The following ABCB5 variants were observed in gnomAD, a reference collection of about 807,000 sequenced individuals.
The protein encoded by ABCB5 is ATP-binding cassette sub-family B member 5.
ABCB5 carries 155 observed loss-of-function variants against 144.2 expected under a neutral mutation model. The observed-to-expected ratio is 1.08, with a 90% CI of 0.94 to 1.23. The LOEUF (loss-of-function observed/expected upper bound fraction) is 1.23, where lower values mean the gene tolerates loss of function less well. Among genes scored for constraint, ABCB5 ranks in the 50% most tolerant of loss-of-function variants. The probability of loss-of-function intolerance (pLI) is 0.00; values close to 1 mark genes in which losing one functional copy is unlikely to be tolerated. For missense variants in ABCB5, 1,830 were observed against 1,520.8 expected, an observed-to-expected ratio of 1.20 and a Z score of -3.38; for synonymous variants, 610 against 528.6, an observed-to-expected ratio of 1.15 and a Z score of -2.11.
intron 26 of ABCB5, among the ~76,000 whole-genome samples, chr7:20,749,399 T>C: frequency 7.3e-6 from 1 of 137,464 alleles, no homozygotes; most frequent in East Asian, 2.1e-4. Context: ...TGCCTAATTT[T>C]TTTTTTTTTT....
chr7:20,749,823 T>G (rs1782861247), intron 26 of ABCB5, among the ~76,000 whole-genome samples: 1 of 152,062 alleles, frequency 6.6e-6, no homozygotes, highest in Admixed American at 6.5e-5. Context: ...CAAGTAGAAT[T>G]TCAGTAGTCA....
At chr7:20,627,406 G>A (rs1017488082) in intron 3 of ABCB5, among the ~76,000 whole-genome samples, 2 of 152,138 alleles carry the variant, frequency 1.3e-5, no homozygotes, top group South Asian at 2.1e-4. Context: ...TTGCAACGAT[G>A]AATGGAAAAA....
chr7:20,675,049 ATTG>A (rs1343434745), intron 14 of ABCB5, among the ~76,000 whole-genome samples: 1 of 152,030 alleles, frequency 6.6e-6, no homozygotes, highest in Non-Finnish European at 1.5e-5. Flanking sequence ...AAGACTTGAT[ATTG>A]TTAAATGTCA....
chr7:20,715,116 C>A (rs1781627892), intron 20 of ABCB5, among the ~76,000 whole-genome samples: 1 of 152,168 alleles, frequency 6.6e-6, no homozygotes, highest in African/African-American at 2.4e-5. Context: ...ATGATCTCAA[C>A]TCACTGCAAC....
In ABCB5 at chr7:20,647,526, T is replaced by C. The variant is rs749649748; in HGVS notation, c.982-9T>C. 2.6e-6 allele frequency: 4 copies of C among 1,544,566 alleles called. No individual in the cohort carries two copies. The South Asian group carries it at 5.0e-5, about 19-fold the overall frequency. Reference sequence around the variant, plus strand: ...AGAAAGATAAATATCACTTTGTTTGTTCCTGTAGGTTTTCTTTAGTGTAAT... The same window carrying C: ...AGAAAGATAAATATCACTTTGTTTGCTCCTGTAGGTTTTCTTTAGTGTAAT... On this transcript the variant is annotated splice_polypyrimidine_tract_variant and intron_variant, in intron 9 of 27. Transcript: ENST00000404938.
chr7:20,738,454 T>G (rs1353068636), intron 23 of ABCB5, among the ~76,000 whole-genome samples: 2 of 152,224 alleles, frequency 1.3e-5, no homozygotes, highest in Non-Finnish European at 2.9e-5. Context: ...GATTTTGCTT[T>G]GGGAACCTGA....
At chr7:20,666,838 T>G (rs1161786816) in intron 14 of ABCB5, 12 of 1,526,066 alleles carry the variant, frequency 7.9e-6, no homozygotes, top group Non-Finnish European at 8.8e-6. Flanking sequence ...GTGGTATGAA[T>G]TGCACTATCT....
intron 14 of ABCB5, among the ~76,000 whole-genome samples, chr7:20,675,561 A>C (rs960676219): frequency 2.6e-5 from 4 of 152,124 alleles, no homozygotes; most frequent in African/African-American, 9.6e-5. Context: ...AACTCTTAGA[A>C]GTAAACGTAG....
chr7:20,754,559 C>G (rs1490662641), intron 27 of ABCB5, among the ~76,000 whole-genome samples: 1 of 152,196 alleles, frequency 6.6e-6, no homozygotes, highest in Non-Finnish European at 1.5e-5. Flanking sequence ...CTTCCACTCC[C>G]ACTTTCTCTA....
intron 20 of ABCB5, among the ~76,000 whole-genome samples, chr7:20,716,891 C>T (rs1044003026): frequency 6.6e-6 from 1 of 152,052 alleles, no homozygotes; most frequent in Non-Finnish European, 1.5e-5. Flanking sequence ...CGTGCCGAAC[C>T]CCAGCGCAGC....
chr7:20,671,394 C>T (rs527545253), intron 14 of ABCB5, among the ~76,000 whole-genome samples: 116 of 152,188 alleles, frequency 7.6e-4, no homozygotes, highest in African/African-American at 2.7e-3. Context: ...AAAATTTTGG[C>T]GTATATGTAC....
chr7:20,695,464 TA>T (rs1184023905), intron 16 of ABCB5, among the ~76,000 whole-genome samples: 2 of 151,852 alleles, frequency 1.3e-5, no homozygotes, highest in African/African-American at 4.8e-5. Context: ...ATAAAACTTC[TA>T]TAAGAAAATG....
intron 1 of ABCB5, among the ~76,000 whole-genome samples, chr7:20,616,339 T>C (rs1046039796): frequency 1.3e-5 from 2 of 152,302 alleles, no homozygotes; most frequent in South Asian, 2.1e-4. Flanking sequence ...CCCAGCCATA[T>C]CTTCTTTCAT....
chr7:20,657,914 C>T (rs1033827176), intron 13 of ABCB5, among the ~76,000 whole-genome samples: 3 of 152,128 alleles, frequency 2.0e-5, no homozygotes, highest in African/African-American at 7.2e-5. Flanking sequence ...AGCCATGTTT[C>T]CTGGGCGCTA....
At chr7:20,665,774 TAC>T (rs1491352255) in intron 14 of ABCB5, among the ~76,000 whole-genome samples, 4 of 135,464 alleles carry the variant, frequency 3.0e-5, no homozygotes, top group African/African-American at 1.2e-4. Flanking sequence ...TAGAGATACA[TAC>T]ATACATACAT....
chr7:20,752,917 T>C (rs541213007), intron 26 of ABCB5, among the ~76,000 whole-genome samples: 2 of 152,208 alleles, frequency 1.3e-5, no homozygotes, highest in Non-Finnish European at 2.9e-5. Flanking sequence ...TATCCCAGCA[T>C]CTGTAAGGAT....
At chr7:20,626,481 T>C (rs1371365954) in intron 2 of ABCB5, 76 bp from the exon 3 acceptor site, 2 of 1,348,950 alleles carry the variant, frequency 1.5e-6, no homozygotes, top group Admixed American at 2.2e-5. Context: ...CTGACACTTC[T>C]GCAAACTATT....
At chr7:20,635,692 A>G (rs1208442741) in intron 5 of ABCB5, among the ~76,000 whole-genome samples, 1 of 151,806 alleles carries the variant, frequency 6.6e-6, no homozygotes, top group Non-Finnish European at 1.5e-5. Flanking sequence ...TCTTGATTTG[A>G]TTCTCATTTT....
At chr7:20,706,464 TATTA>T (rs1257496812) in intron 20 of ABCB5, among the ~76,000 whole-genome samples, 1 of 152,240 alleles carries the variant, frequency 6.6e-6, no homozygotes, top group African/African-American at 2.4e-5. Flanking sequence ...TCCTTACATT[TATTA>T]ATTGTTACTA....
Sources: gnomAD v4.1 joint callset for allele counts (sites outside exome capture counted in the v4.1 genomes callset) on GRCh38, gnomAD v4.1.1 for gene constraint, MANE v1.5 for transcripts, NCBI Gene and HGNC (gene_info 2026-07-23, HGNC 2026-07-21) for gene names.